Variants in SPON1 observed in about 807,000 individuals in gnomAD.
SPON1 encodes spondin 1.
SPON1 carries 52 observed loss-of-function variants against 111.7 expected under a neutral mutation model. The observed-to-expected ratio is 0.47, with a 90% confidence interval of 0.37 to 0.59. The LOEUF (loss-of-function observed/expected upper bound fraction) is 0.59. Among genes scored for constraint, SPON1 ranks in the 20% least tolerant of loss-of-function variants. SPON1 has a pLI of 0.00. For synonymous variants in SPON1, 410 were observed against 395.8 expected (o/e 1.04, Z -0.43); for missense variants, 957 against 1,068.5 (o/e 0.90, Z 1.46).
At chr11:14,014,771 TCTC>T (rs1161469529) in intron 2 of SPON1, among the ~76,000 whole-genome samples, 1 of 152,234 alleles carries the variant, frequency 6.6e-6, no homozygotes, top group African/African-American at 2.4e-5. Flanking sequence ...GCCTGCCTCT[TCTC>T]ATGCAGATTT....
chr11:13,981,316 T>A (rs1182115325), intron 1 of SPON1, among the ~76,000 whole-genome samples: 4 of 152,108 alleles, frequency 2.6e-5, no homozygotes, highest in Non-Finnish European at 5.9e-5. Flanking sequence ...TGAGCTAGAT[T>A]TTTTTTGTTG....
intron 6 of SPON1, among the ~76,000 whole-genome samples, chr11:14,138,089 G>C (rs1311259479): frequency 6.6e-6 from 1 of 152,176 alleles, no homozygotes; most frequent in Non-Finnish European, 1.5e-5. Context: ...AACTAACACA[G>C]TGTTCTCGGG....
intron 6 of SPON1, among the ~76,000 whole-genome samples, chr11:14,236,150 G>T (rs1554939219): frequency 6.6e-6 from 1 of 152,140 alleles, no homozygotes; most frequent in African/African-American, 2.4e-5. Context: ...AGAGTCTGGA[G>T]GAAGGGAGGG....
intron 5 of SPON1, among the ~76,000 whole-genome samples, chr11:14,090,708 A>G (rs1375236303): frequency 6.6e-6 from 1 of 151,920 alleles, no homozygotes; most frequent in Non-Finnish European, 1.5e-5. Flanking sequence ...GTGGACCCAA[A>G]GAGTGAGCAG....
intron 6 of SPON1, among the ~76,000 whole-genome samples, chr11:14,187,879 T>A (rs1055746360): frequency 1.4e-4 from 21 of 152,148 alleles, no homozygotes; most frequent in Admixed American, 1.4e-3. Flanking sequence ...CTTCTTGGGT[T>A]CAAGCAATTC....
At chr11:14,173,983 C>A (rs1324710179) in intron 6 of SPON1, among the ~76,000 whole-genome samples, 1 of 152,158 alleles carries the variant, frequency 6.6e-6, no homozygotes, top group African/African-American at 2.4e-5. Context: ...TAAAATTTTT[C>A]AATTGCCAGT....
At chr11:14,124,521 C>T (rs1017985511) in intron 5 of SPON1, among the ~76,000 whole-genome samples, 1 of 152,166 alleles carries the variant, frequency 6.6e-6, no homozygotes, top group African/African-American at 2.4e-5. Flanking sequence ...ACACCCCACC[C>T]TCCAGACAGA....
chr11:14,112,399 T>C (rs1398705540), intron 5 of SPON1, among the ~76,000 whole-genome samples: 2 of 152,202 alleles, frequency 1.3e-5, no homozygotes, highest in East Asian at 3.9e-4. Flanking sequence ...GCATGTAGAC[T>C]CTGCAGTCAG....
At chr11:14,053,129 A>G (rs1554918794) in intron 3 of SPON1, among the ~76,000 whole-genome samples, 2 of 152,216 alleles carry the variant, frequency 1.3e-5, no homozygotes, top group Non-Finnish European at 2.9e-5. Flanking sequence ...CCCTATGAAC[A>G]TTTTTATAAT....
intron 5 of SPON1, among the ~76,000 whole-genome samples, chr11:14,091,279 C>CGT (rs1554923302): frequency 6.6e-6 from 1 of 152,244 alleles, no homozygotes; most frequent in African/African-American, 2.4e-5. Flanking sequence ...GTGGATCCCG[C>CGT]ACCGGGGCTG....
chr11:14,056,990 A>G (rs555196632), intron 3 of SPON1, among the ~76,000 whole-genome samples: 18 of 152,312 alleles, frequency 1.2e-4, no homozygotes, highest in African/African-American at 4.3e-4. Context: ...CACTTATAAG[A>G]GCACTGGATT....
chr11:14,223,334 A>T (rs1276766129), intron 6 of SPON1, among the ~76,000 whole-genome samples: 1 of 152,174 alleles, frequency 6.6e-6, no homozygotes, highest in Non-Finnish European at 1.5e-5. Context: ...ACTGCACTCC[A>T]GCCTGGGCGA....
intron 2 of SPON1, among the ~76,000 whole-genome samples, chr11:14,024,669 A>G (rs1848505091): frequency 1.3e-5 from 2 of 152,194 alleles, no homozygotes; most frequent in African/African-American, 4.8e-5. Context: ...ATGGCTGGCC[A>G]GAGTGGTCTT....
intron 2 of SPON1, among the ~76,000 whole-genome samples, chr11:14,031,275 A>G (rs1848556968): frequency 6.6e-6 from 1 of 152,236 alleles, no homozygotes; most frequent in Non-Finnish European, 1.5e-5. Context: ...GGGTGATGGG[A>G]TCATTCGTAA....
intron 5 of SPON1, among the ~76,000 whole-genome samples, chr11:14,094,782 A>G (rs1554923724): frequency 1.3e-5 from 2 of 152,240 alleles, no homozygotes; most frequent in Non-Finnish European, 2.9e-5. Flanking sequence ...AGGTTAGGGC[A>G]GGAGAGAGAT....
chr11:14,141,053 AG>A (rs1481937372), intron 6 of SPON1, among the ~76,000 whole-genome samples: 4 of 130,258 alleles, frequency 3.1e-5, no homozygotes, highest in African/African-American at 1.1e-4. Context: ...CACTGGCTCA[AG>A]ATTTCCCCTT....
At chr11:14,229,716 A>G (rs1381214147) in intron 6 of SPON1, among the ~76,000 whole-genome samples, 1 of 152,182 alleles carries the variant, frequency 6.6e-6, no homozygotes, top group Non-Finnish European at 1.5e-5. Context: ...ACAGACAAAG[A>G]GTCAGGTTCA....
At chr11:14,148,892 A>C (rs1309527947) in intron 6 of SPON1, among the ~76,000 whole-genome samples, 1 of 152,214 alleles carries the variant, frequency 6.6e-6, no homozygotes, top group Non-Finnish European at 1.5e-5. Flanking sequence ...CCTAACATAG[A>C]CTGCATTCAT....
intron 5 of SPON1, among the ~76,000 whole-genome samples, chr11:14,085,681 G>A (rs1251054457): frequency 1.3e-5 from 2 of 152,102 alleles, no homozygotes; most frequent in Non-Finnish European, 2.9e-5. Flanking sequence ...CTAGTTCTGT[G>A]AAGAAACTCA....
Sources: gnomAD v4.1 joint callset for allele counts (sites outside exome capture counted in the v4.1 genomes callset) on GRCh38, gnomAD v4.1.1 for gene constraint, MANE v1.5 for transcripts, NCBI Gene and HGNC (gene_info 2026-07-23, HGNC 2026-07-21) for gene names.